Variants in TNR observed in about 807,000 individuals in gnomAD.
TNR encodes tenascin R.
A neutral mutation model predicts 150.4 loss-of-function variants in TNR; 45 were observed. That is an observed-to-expected ratio of 0.30 (90% confidence interval 0.24 to 0.38). The LOEUF is 0.38. Among genes scored for constraint, TNR ranks in the 10% least tolerant of loss-of-function variants. The pLI is 1.00. For missense variants in TNR, 1,544 were observed against 1,759.1 expected (o/e 0.88, Z 2.19); for synonymous variants, 687 against 678.4 (o/e 1.01, Z -0.20).
Position 175,355,550 on chromosome 1 carries a change from T to A in TNR, c.3202A>T (p.Ile1068Phe), listed in dbSNP as rs1343374233. The A allele has an allele frequency of 2.5e-6, 4 of 1,613,978 alleles. No individual in the cohort carries two copies. The highest frequency in any genetic ancestry group is 2.7e-5 in the African/African-American group (2 of 74,928). Residue 1068 changes from isoleucine (I) to phenylalanine (F), a missense_variant, in exon 17 of 23, where the codon ATT becomes TTT. Ile to Phe is a conservative substitution (Grantham distance 21, BLOSUM62 0). Around this residue, in one of 2 missense-constraint regions of TNR, gnomAD observed 290 missense variants for 429.7 expected, o/e 0.67. Coordinates refer to ENST00000367674, the MANE Select transcript of TNR (RefSeq NM_003285.3). ...LISWQPPRAE[I>F]ENYVLTYKST... is the part of the protein sequence containing the mutation. ...TTGTAGGTCAAGACATAATTTTCAA[T>A]CTCTGCCCTGGGAGGCTGCCAGGAG...
intron 1 of TNR, among the ~76,000 whole-genome samples, chr1:175,735,157 A>T (rs1667739248): frequency 6.6e-6 from 1 of 152,116 alleles, no homozygotes; most frequent in Non-Finnish European, 1.5e-5. Context: ...CAGGGCTTTC[A>T]TCTGGTGTTC....
chr1:175,367,302 C>CAGTGGA lies in TNR; in HGVS notation c.1964-11_1964-6dup. The CAGTGGA allele has an allele frequency of 6.2e-7, 1 of 1,613,610 alleles. No homozygotes were observed. Among genetic ancestry groups the CAGTGGA allele is most frequent in the African/African-American group, 1.3e-5 (1 of 75,028 alleles). ...ACTCAGTGCCAGGTACCAGATCTATCAGTGGATGGAGAAACAAACATTATT... is the reference window on the plus strand; with the variant it reads ...ACTCAGTGCCAGGTACCAGATCTATCAGTGGAAGTGGATGGAGAAACAAACATTATT... On this transcript the variant is annotated splice_region_variant and splice_polypyrimidine_tract_variant and intron_variant, in intron 9 of 22. Coordinates refer to ENST00000367674, the MANE Select transcript of TNR (RefSeq NM_003285.3).
intron 2 of TNR, among the ~76,000 whole-genome samples, chr1:175,525,274 A>G (rs1431076998): frequency 6.6e-6 from 1 of 152,164 alleles, no homozygotes; most frequent in African/African-American, 2.4e-5. Flanking sequence ...ACTGTGAGTC[A>G]ATTAAACCTC....
intron 4 of TNR, among the ~76,000 whole-genome samples, chr1:175,397,605 C>T (rs1378886657): frequency 6.6e-6 from 1 of 152,212 alleles, no homozygotes; most frequent in East Asian, 1.9e-4. Flanking sequence ...TGAAGACACT[C>T]AACAGCCCAT....
intron 2 of TNR, among the ~76,000 whole-genome samples, chr1:175,473,259 T>G (rs1337274861): frequency 6.6e-6 from 1 of 152,192 alleles, no homozygotes; most frequent in African/African-American, 2.4e-5. Flanking sequence ...AAATGCATTT[T>G]CCTCTTGTTT....
chr1:175,346,308 A>T (rs1268459509), intron 18 of TNR, among the ~76,000 whole-genome samples: 2 of 152,224 alleles, frequency 1.3e-5, no homozygotes, highest in Non-Finnish European at 2.9e-5. Context: ...GCCTATCCAT[A>T]AGAATCCAGA....
chr1:175,513,492 C>T (rs1301802972), intron 2 of TNR, among the ~76,000 whole-genome samples: 1 of 152,200 alleles, frequency 6.6e-6, no homozygotes, highest in African/African-American at 2.4e-5. Flanking sequence ...TCTGTCCCTG[C>T]CTGCAGGGGG....
At chr1:175,389,675 C>G (rs557183475) in intron 7 of TNR, among the ~76,000 whole-genome samples, 11 of 152,164 alleles carry the variant, frequency 7.2e-5, no homozygotes, top group Admixed American at 7.2e-4. Context: ...AAATTTGTTA[C>G]GCTTTCTCTT....
intron 2 of TNR, among the ~76,000 whole-genome samples, chr1:175,486,415 G>T (rs953167440): frequency 3.3e-5 from 5 of 152,038 alleles, no homozygotes; most frequent in African/African-American, 9.7e-5. Context: ...TGAGAATGAT[G>T]GTTTCCAGCT....
At chr1:175,672,708 G>A (rs780479969) in intron 1 of TNR, among the ~76,000 whole-genome samples, 9 of 152,204 alleles carry the variant, frequency 5.9e-5, no homozygotes, top group African/African-American at 9.6e-5. Flanking sequence ...CACTCCCCAA[G>A]CCAAATGAGA....
At chr1:175,620,544 C>T (rs146901803) in intron 1 of TNR, among the ~76,000 whole-genome samples, 31 of 152,298 alleles carry the variant, frequency 2.0e-4, no homozygotes, top group African/African-American at 7.2e-4. Context: ...GAGCTGCTAA[C>T]AAGCAGAACA....
intron 2 of TNR, among the ~76,000 whole-genome samples, chr1:175,491,190 GGGGGAA>G (rs2102139024): frequency 8.2e-3 from 1 of 122 alleles, no homozygotes; most frequent in Admixed American, 0.062. Flanking sequence ...GGGCACATGT[GGGGGAA>G]CACACACACT....
chr1:175,395,284 C>A (rs995089381), intron 5 of TNR, among the ~76,000 whole-genome samples: 1 of 152,146 alleles, frequency 6.6e-6, no homozygotes, highest in Non-Finnish European at 1.5e-5. Context: ...AAGGCTAAAT[C>A]TTTCTACCTT....
At chr1:175,539,368 T>A (rs1413293509) in intron 1 of TNR, among the ~76,000 whole-genome samples, 2 of 152,212 alleles carry the variant, frequency 1.3e-5, no homozygotes, top group African/African-American at 2.4e-5. Context: ...TGGAGACATG[T>A]CCACATGGTT....
intron 1 of TNR, among the ~76,000 whole-genome samples, chr1:175,583,645 A>G (rs1662453132): frequency 6.6e-6 from 1 of 152,104 alleles, no homozygotes. Flanking sequence ...AGTGGAAACA[A>G]CCTTAGTGGA....
chr1:175,493,188 G>T (rs1485405368), intron 2 of TNR, among the ~76,000 whole-genome samples: 1 of 152,018 alleles, frequency 6.6e-6, no homozygotes, highest in Non-Finnish European at 1.5e-5. Flanking sequence ...GCCCAGAAAT[G>T]ACCAGAAAAA....
At chr1:175,393,383 C>A (rs987184595) in intron 6 of TNR, among the ~76,000 whole-genome samples, 1 of 152,168 alleles carries the variant, frequency 6.6e-6, no homozygotes, top group African/African-American at 2.4e-5. Context: ...CAGAATGAAG[C>A]TTTTGGCTGA....
intron 2 of TNR, among the ~76,000 whole-genome samples, chr1:175,426,596 G>C (rs1174822384): frequency 6.6e-6 from 1 of 151,786 alleles, no homozygotes; most frequent in African/African-American, 2.4e-5. Flanking sequence ...GTTTATGCCA[G>C]GACACTCTGG....
At chr1:175,495,507 T>C (rs1374813193) in intron 2 of TNR, among the ~76,000 whole-genome samples, 1 of 152,194 alleles carries the variant, frequency 6.6e-6, no homozygotes, top group Non-Finnish European at 1.5e-5. Flanking sequence ...ATTGAAGGCA[T>C]GAGTGAGCAT....
Sources: allele counts gnomAD v4.1 joint callset (sites outside exome capture counted in the v4.1 genomes callset), GRCh38; gene constraint gnomAD v4.1.1; regional missense constraint gnomAD v4.1.1; transcripts MANE v1.5; gene names NCBI Gene and HGNC (gene_info 2026-07-23, HGNC 2026-07-21).